PCDHA6: variants seen among roughly 807,000 people sequenced by gnomAD.
PCDHA6 encodes protocadherin alpha-6.
PCDHA6 carries 55 observed loss-of-function variants against 60.3 expected under a neutral mutation model. The observed-to-expected ratio is 0.91, with a 90% confidence interval of 0.73 to 1.14. PCDHA6 has a LOEUF of 1.14. Ranked by LOEUF, PCDHA6 falls within the 50% of genes most tolerant of loss-of-function variation. The pLI is 0.00. For missense variants in PCDHA6, 1,327 were observed against 1,256.5 expected (o/e 1.06, Z -0.85); for synonymous variants, 652 against 557.9 (o/e 1.17, Z -2.38).
At chr5:140,915,710 C>T (rs2077269471) in intron 1 of PCDHA6, among the ~76,000 whole-genome samples, 1 of 151,918 alleles carries the variant, frequency 6.6e-6, no homozygotes, top group South Asian at 2.1e-4. Flanking sequence ...ACTCCTGTGG[C>T]CCCCACTTTG....
Position 140,868,975 on chromosome 5 carries a change from A to G in PCDHA6, c.2394+38490A>G, listed in dbSNP as rs1379610882. 4.1e-6 allele frequency: 6 copies of G among 1,479,060 alleles called. No individual in the cohort carries two copies. The South Asian group carries it at 7.0e-5, about 17-fold the overall frequency. The allele number at this position is 1,479,060 out of a possible 1,614,324, so 91.6% of individuals were successfully genotyped here. A position where few individuals can be genotyped will look rare whatever the true frequency, so the allele number is the denominator to read the frequency against. The stretch of plus-strand genomic sequence containing the variant: ...CACTCCCATACAAAGGAACTCCATC[A>G]TACCGGATGCCACCGTTTAAGGATC... On this transcript the variant is annotated intron_variant, in intron 1 of 3. Transcript: ENST00000529310.
At chr5:140,925,420 G>C (rs1332055982) in intron 1 of PCDHA6, among the ~76,000 whole-genome samples, 2 of 152,102 alleles carry the variant, frequency 1.3e-5, no homozygotes, top group Non-Finnish European at 2.9e-5. Flanking sequence ...AAAGGAACTG[G>C]TTGTAGGGTG....
intron 3 of PCDHA6, among the ~76,000 whole-genome samples, chr5:140,984,938 G>A (rs1355399601): frequency 2.0e-5 from 3 of 151,924 alleles, no homozygotes; most frequent in Non-Finnish European, 2.9e-5. Flanking sequence ...GTTAATAAAT[G>A]TCTAATCTTT....
At chr5:140,875,292 T>C in intron 1 of PCDHA6, 1 of 1,401,900 alleles carries the variant, frequency 7.1e-7, no homozygotes, top group Non-Finnish European at 9.3e-7. Context: ...ACAGGAAAAT[T>C]TTTTTCTCCG....
At chr5:140,863,220 G>C in intron 1 of PCDHA6, 1 of 1,115,318 alleles carries the variant, frequency 9.0e-7, no homozygotes, top group African/African-American at 1.6e-5. Flanking sequence ...GCCAAGCGAG[G>C]AAGGTCCCAT....
At chr5:140,879,910 T>C (rs2058174335) in intron 1 of PCDHA6, among the ~76,000 whole-genome samples, 1 of 152,194 alleles carries the variant, frequency 6.6e-6, no homozygotes, top group Non-Finnish European at 1.5e-5. Context: ...TCTCTATGTG[T>C]TGGTTTTACA....
intron 1 of PCDHA6, chr5:140,855,976 G>C: frequency 6.9e-7 from 1 of 1,448,118 alleles, no homozygotes; most frequent in Non-Finnish European, 9.3e-7. Context: ...TAAGAAATAG[G>C]ACAGAAAATG....
chr5:140,867,681 A>G (rs759356211), intron 1 of PCDHA6: 2 of 152,096 alleles, frequency 1.3e-5, no homozygotes, highest in African/African-American at 2.4e-5. Flanking sequence ...ATTTTGTTGC[A>G]TCTTCTTTTT....
chr5:141,007,728 G>A (rs2098342783), intron 3 of PCDHA6, among the ~76,000 whole-genome samples: 1 of 152,096 alleles, frequency 6.6e-6, no homozygotes, highest in Non-Finnish European at 1.5e-5. Context: ...GAGAACAAAG[G>A]TTAACCACTG....
chr5:140,934,337 A>G (rs1404340648), intron 1 of PCDHA6, among the ~76,000 whole-genome samples: 1 of 152,128 alleles, frequency 6.6e-6, no homozygotes, highest in African/African-American at 2.4e-5. Context: ...TGTAATAACC[A>G]CCAGTACAGT....
intron 1 of PCDHA6, chr5:140,835,304 T>C (rs2150233585): frequency 2.5e-6 from 4 of 1,612,734 alleles, no homozygotes; most frequent in Admixed American, 3.3e-5. Flanking sequence ...TGATAGGACA[T>C]ATGGATTTTG....
intron 1 of PCDHA6, among the ~76,000 whole-genome samples, chr5:140,974,769 T>C (rs1487371754): frequency 6.6e-6 from 1 of 152,238 alleles, no homozygotes; most frequent in Non-Finnish European, 1.5e-5. Context: ...ATTACAGGTA[T>C]GAGCCACTGC....
chr5:140,866,444 T>G (rs1399450824), intron 1 of PCDHA6: 1 of 152,130 alleles, frequency 6.6e-6, no homozygotes, highest in African/African-American at 2.4e-5. Context: ...TTCTTCAGTC[T>G]TATTGTTGGC....
chr5:140,909,496 G>C (rs1554193832), intron 1 of PCDHA6, among the ~76,000 whole-genome samples: 1 of 152,168 alleles, frequency 6.6e-6, no homozygotes, highest in African/African-American at 2.4e-5. Context: ...GCTGAACGGG[G>C]ATGTGGTGGG....
intron 1 of PCDHA6, among the ~76,000 whole-genome samples, chr5:140,947,946 C>T (rs1396530064): frequency 2.0e-5 from 3 of 151,452 alleles, no homozygotes; most frequent in African/African-American, 7.3e-5. Flanking sequence ...AAAAGTGTTC[C>T]ATATTTTACA....
chr5:140,896,485 C>G (rs1259028670), intron 1 of PCDHA6, among the ~76,000 whole-genome samples: 1 of 152,032 alleles, frequency 6.6e-6, no homozygotes, highest in Non-Finnish European at 1.5e-5. Context: ...GCCTCAGCCT[C>G]CTGAGTAGCT....
chr5:140,850,185 G>A (rs2150471887), intron 1 of PCDHA6: 2 of 1,593,890 alleles, frequency 1.3e-6, no homozygotes, highest in South Asian at 1.1e-5. Context: ...CAATGCGCCG[G>A]CGCTGCTGAC....
chr5:140,839,527 C>T (rs1390318368), intron 1 of PCDHA6, among the ~76,000 whole-genome samples: 1 of 151,932 alleles, frequency 6.6e-6, no homozygotes. Context: ...GTTGCTGGGA[C>T]TATAGGCACA....
intron 1 of PCDHA6, chr5:140,930,393 CTT>C (rs879960332): frequency 4.1e-5 from 6 of 145,282 alleles, no homozygotes; most frequent in Admixed American, 6.9e-5. Flanking sequence ...TTCAAAACTT[CTT>C]TTTTTTTTTT....
Sources: gnomAD v4.1 joint callset for allele counts (sites outside exome capture counted in the v4.1 genomes callset) on GRCh38, gnomAD v4.1.1 for gene constraint, MANE v1.5 for transcripts, NCBI Gene and HGNC (gene_info 2026-07-23, HGNC 2026-07-21) for gene names.